DLG2: variants seen among roughly 807,000 people sequenced by gnomAD.
DLG2 encodes the protein disks large homolog 2.
In DLG2, 45 loss-of-function variants were observed where a neutral mutation model predicts 132.5. That is an observed-to-expected ratio of 0.34 (90% CI 0.27 to 0.44). The LOEUF is 0.44. Among genes scored for constraint, DLG2 ranks in the 20% least tolerant of loss-of-function variants. DLG2 has a pLI of 1.00. For synonymous variants in DLG2, 424 were observed against 419.6 expected (o/e 1.01, Z -0.13); for missense variants, 1,045 against 1,196.9 (o/e 0.87, Z 1.87).
intron 19 of DLG2, among the ~76,000 whole-genome samples, chr11:83,612,608 T>C (rs7943091): frequency 0.017 from 2,631 of 152,154 alleles, 96 homozygotes; most frequent in African/African-American, 0.06. Flanking sequence ...GGGAGGAAAA[T>C]AGTCCCTTAA....
chr11:84,534,880 G>C (rs375746669), intron 6 of DLG2, 149 bp from the exon 7 acceptor site: 6 of 905,220 alleles, frequency 6.6e-6, no homozygotes, highest in Non-Finnish European at 1.1e-5. Context: ...GACTCTTCTG[G>C]CGGTCACCAT....
intron 6 of DLG2, among the ~76,000 whole-genome samples, chr11:84,793,637 C>T (rs1030947852): frequency 6.6e-6 from 1 of 152,262 alleles, no homozygotes; most frequent in Non-Finnish European, 1.5e-5. Flanking sequence ...TGTACGGACC[C>T]CTTTATCATT....
At chr11:83,757,299 CTGAG>C (rs1177865191) in intron 18 of DLG2, among the ~76,000 whole-genome samples, 9 of 152,176 alleles carry the variant, frequency 5.9e-5, no homozygotes, top group African/African-American at 1.4e-4. Context: ...TTCTTACTGA[CTGAG>C]TAACAGTGAA....
At chr11:83,825,130 T>TACACACACAC in intron 17 of DLG2, among the ~76,000 whole-genome samples, 1 of 89,196 alleles carries the variant, frequency 1.1e-5, no homozygotes, top group South Asian at 4.1e-4. Flanking sequence ...CACATATATA[T>TACACACACAC]ATACACACAC....
At chr11:83,801,753 T>C (rs7946278) in intron 17 of DLG2, among the ~76,000 whole-genome samples, 109,896 of 152,022 alleles carry the variant, frequency 0.72, 41,097 homozygotes, top group African/African-American at 0.92. Flanking sequence ...TTATTCTGTT[T>C]ATTATCTCAC....
At chr11:83,907,092 A>C (rs968395159) in intron 15 of DLG2, among the ~76,000 whole-genome samples, 8 of 152,158 alleles carry the variant, frequency 5.3e-5, no homozygotes, top group Admixed American at 2.0e-4. Context: ...GAAGTTGTCA[A>C]TGTGAAGACT....
chr11:84,362,697 C>A (rs1257895368), intron 7 of DLG2, among the ~76,000 whole-genome samples: 1 of 151,912 alleles, frequency 6.6e-6, no homozygotes, highest in Non-Finnish European at 1.5e-5. Flanking sequence ...GTGTGATGTT[C>A]CCCTTCCTGT....
intron 6 of DLG2, among the ~76,000 whole-genome samples, chr11:84,911,513 CAA>C (rs1350200334): frequency 1.3e-5 from 2 of 151,814 alleles, no homozygotes; most frequent in Non-Finnish European, 2.9e-5. Context: ...ATTAATAAAA[CAA>C]AGTGTGAACA....
intron 18 of DLG2, among the ~76,000 whole-genome samples, chr11:83,711,775 T>C (rs1022283715): frequency 6.6e-6 from 1 of 152,202 alleles, no homozygotes; most frequent in Non-Finnish European, 1.5e-5. Context: ...AATCAAAGCA[T>C]GCTCCATGGG....
intron 11 of DLG2, among the ~76,000 whole-genome samples, chr11:84,027,240 T>C (rs2095560648): frequency 6.6e-6 from 1 of 152,044 alleles, no homozygotes; most frequent in African/African-American, 2.4e-5. Flanking sequence ...GGACATAGGA[T>C]TTGGTTAAGA....
chr11:83,959,864 T>C (rs751239428), intron 14 of DLG2, among the ~76,000 whole-genome samples: 1 of 151,382 alleles, frequency 6.6e-6, no homozygotes, highest in African/African-American at 2.5e-5. Context: ...AATAAGAATA[T>C]CATATAAATA....
chr11:83,763,531 A>G (rs1434854203), intron 18 of DLG2, among the ~76,000 whole-genome samples: 1 of 152,224 alleles, frequency 6.6e-6, no homozygotes, highest in African/African-American at 2.4e-5. Context: ...AAAAACCCAC[A>G]GCCAATCTCA....
At chr11:85,226,851 T>G (rs1356425441) in intron 4 of DLG2, among the ~76,000 whole-genome samples, 2 of 152,148 alleles carry the variant, frequency 1.3e-5, no homozygotes, top group African/African-American at 4.8e-5. Context: ...GCTTACCCCA[T>G]AGATTGTTCA....
intron 6 of DLG2, among the ~76,000 whole-genome samples, chr11:84,606,730 A>T (rs2099586373): frequency 6.6e-6 from 1 of 152,124 alleles, no homozygotes; most frequent in Non-Finnish European, 1.5e-5. Flanking sequence ...GGGAAGGAAA[A>T]GGAAAATGAT....
intron 6 of DLG2, among the ~76,000 whole-genome samples, chr11:84,556,945 A>C (rs2099413137): frequency 6.6e-6 from 1 of 152,170 alleles, no homozygotes; most frequent in African/African-American, 2.4e-5. Flanking sequence ...ATCCATCTTT[A>C]AAAAGTATTA....
intron 3 of DLG2, among the ~76,000 whole-genome samples, chr11:85,402,034 G>T (rs757413004): frequency 1.3e-5 from 2 of 151,732 alleles, no homozygotes; most frequent in African/African-American, 2.4e-5. Context: ...ACATAGCTAA[G>T]ACAATCCTAA....
chr11:85,051,872 G>T (rs2062931246), intron 6 of DLG2, among the ~76,000 whole-genome samples: 1 of 152,132 alleles, frequency 6.6e-6, no homozygotes, highest in Non-Finnish European at 1.5e-5. Flanking sequence ...CCTAGTAAGT[G>T]ATAATAGACC....
At position 84,848,588 on chromosome 11, in the gene DLG2, C is replaced by A. The variant is rs562398151; in HGVS notation, c.357+263073G>T. Among the ~76,000 whole-genome samples, 130 of 152,276 alleles carry A rather than the reference C, an allele frequency of 8.5e-4. No homozygotes were observed. In the Middle Eastern group the frequency reaches 0.01, roughly 12 times the overall value. On this transcript the variant is annotated intron_variant, in intron 6 of 27. Coordinates refer to ENST00000376104, the MANE Select transcript of DLG2 (RefSeq NM_001142699.3). Reference sequence around the variant, plus strand: ...GAAGTGTATATTAGCGTACACCTATCCCTGTCTCACCATTTTACGATGGGT... The same window carrying A: ...GAAGTGTATATTAGCGTACACCTATACCTGTCTCACCATTTTACGATGGGT...
In DLG2 at chr11:84,502,016, C is replaced by G. The variant is rs73525725; in HGVS notation, c.519+32554G>C. ...TCTGTAAAATGAGGACATACAATTACTCCATTTCAGATTCCTTTTCTTTGC... is the reference window on the plus strand; with the variant it reads ...TCTGTAAAATGAGGACATACAATTAGTCCATTTCAGATTCCTTTTCTTTGC... On this transcript the variant is annotated intron_variant, in intron 7 of 27. Transcript: ENST00000376104. Among the ~76,000 whole-genome samples, 249 of 152,172 alleles carry G rather than the reference C, an allele frequency of 1.6e-3. 1 individual carries two copies. The highest frequency in any genetic ancestry group is 5.8e-3 in the African/African-American group (239 of 41,486).
Sources: gnomAD v4.1 joint callset for allele counts (sites outside exome capture counted in the v4.1 genomes callset) on GRCh38, gnomAD v4.1.1 for gene constraint, MANE v1.5 for transcripts, NCBI Gene and HGNC (gene_info 2026-07-23, HGNC 2026-07-21) for gene names.